PPTC7: variants seen among roughly 807,000 people sequenced by gnomAD.
PPTC7 encodes protein phosphatase PTC7 homolog.
A neutral mutation model predicts 30.8 loss-of-function variants in PPTC7; 6 were observed. The ratio of observed to expected loss-of-function variants is 0.19; its 90% CI spans 0.11 to 0.38. PPTC7 has a LOEUF of 0.38. Ranked by LOEUF, PPTC7 falls within the 10% of genes least tolerant of loss-of-function variation. The probability of loss-of-function intolerance (pLI) is 1.00; values close to 1 mark genes in which losing one functional copy is unlikely to be tolerated. For missense variants in PPTC7, 218 were observed against 404.8 expected (o/e 0.54, Z 3.96); for synonymous variants, 163 against 168.1 (o/e 0.97, Z 0.23).
chr12:110,536,791 A>G lies in PPTC7; in HGVS notation c.*246T>C, dbSNP rs2135756704. 6.4e-6 allele frequency: 3 copies of G among 470,854 alleles called. No homozygotes were observed. In the South Asian group the frequency reaches 1.3e-4, roughly 20 times the overall value. 29.2% of individuals were successfully genotyped at this position (470,854 alleles called of 1,614,324 possible). On this transcript the variant is annotated 3_prime_UTR_variant, in exon 6 of 6. Coordinates refer to ENST00000354300, the MANE Select transcript of PPTC7 (RefSeq NM_139283.2). ...CCTCCATCCCCATCATGGAAAGAAC[A>G]TCGAGAAATGAAGGCCAATCTTCAA...
rs745770983 is a variant in PPTC7, at chr12:110,546,086, CA to C, written c.404-9del. 3.0e-5 allele frequency: 49 copies of C among 1,611,280 alleles called. No individual in the cohort carries two copies. The highest frequency in any genetic ancestry group is 3.9e-5 in the Non-Finnish European group (46 of 1,178,316). On this transcript the variant is annotated splice_polypyrimidine_tract_variant and intron_variant, in intron 2 of 5. Transcript: ENST00000354300. ...TGCAGGCGGTGCTGCTACCTAGAAA[CA>C]AAAATCATCTCCATTTATTTTTTCT...
At chr12:110,540,207 GAGA>G (rs1210929671) in intron 3 of PPTC7, among the ~76,000 whole-genome samples, 3 of 152,010 alleles carry the variant, frequency 2.0e-5, no homozygotes, top group Non-Finnish European at 4.4e-5. Context: ...ACAAGTGGCT[GAGA>G]AGGAGGGAGG....
At chr12:110,546,126 T>A (rs2064304065) in intron 2 of PPTC7, 48 bp from the exon 3 acceptor site, 3 of 1,510,326 alleles carry the variant, frequency 2.0e-6, no homozygotes, top group African/African-American at 2.7e-5. Context: ...TAGGCTGCCT[T>A]TGCACACACA....
At chr12:110,558,988 C>T (rs968223305) in intron 1 of PPTC7, among the ~76,000 whole-genome samples, 3 of 152,020 alleles carry the variant, frequency 2.0e-5, no homozygotes, top group Non-Finnish European at 4.4e-5. Context: ...TATGTTTTTA[C>T]AAAGTATTTT....
chr12:110,555,422 C>T (rs911640863), intron 1 of PPTC7, among the ~76,000 whole-genome samples: 1 of 152,154 alleles, frequency 6.6e-6, no homozygotes, highest in Non-Finnish European at 1.5e-5. Flanking sequence ...ATGAATGGAT[C>T]GTTGTTGAAG....
intron 1 of PPTC7, among the ~76,000 whole-genome samples, chr12:110,565,540 C>A (rs1362440979): frequency 2.0e-5 from 3 of 152,250 alleles, no homozygotes; most frequent in African/African-American, 7.2e-5. Flanking sequence ...CAGGCGTGAG[C>A]CACCGTGCCT....
At position 110,534,971 on chromosome 12, in the gene PPTC7, C is replaced by A. The variant is rs553321611; in HGVS notation, c.*2066G>T. 2.6e-5 allele frequency: 4 copies of A among 152,698 alleles called. No homozygotes were observed. In the South Asian group the frequency reaches 8.3e-4, roughly 32 times the overall value. The allele number at this position is 152,698 out of a possible 1,614,324, so 9.5% of individuals were successfully genotyped here. A position where few individuals can be genotyped will look rare whatever the true frequency, so the allele number is the denominator to read the frequency against. On this transcript the variant is annotated 3_prime_UTR_variant, in exon 6 of 6. Transcript: ENST00000354300. ...CAGATCATAAGGCTACATACTCTTACCAAAAATAATTGAAAACCTAAACAA... is the reference window on the plus strand; with the variant it reads ...CAGATCATAAGGCTACATACTCTTAACAAAAATAATTGAAAACCTAAACAA...
chr12:110,554,751 A>G (rs1486263600), intron 1 of PPTC7, among the ~76,000 whole-genome samples: 1 of 152,222 alleles, frequency 6.6e-6, no homozygotes, highest in Non-Finnish European at 1.5e-5. Flanking sequence ...TCTATCTACT[A>G]AATTCAAAGA....
chr12:110,554,008 G>A (rs933296670), intron 1 of PPTC7, among the ~76,000 whole-genome samples: 7 of 151,924 alleles, frequency 4.6e-5, no homozygotes, highest in Admixed American at 1.3e-4. Flanking sequence ...ACAGGTGCTC[G>A]ACACCACACC....
chr12:110,569,023 C>A (rs1047531671), intron 1 of PPTC7, among the ~76,000 whole-genome samples: 1 of 127,558 alleles, frequency 7.8e-6, no homozygotes, highest in Non-Finnish European at 1.7e-5. Flanking sequence ...ACAGCAAGAC[C>A]CTGTCCCCGC....
intron 1 of PPTC7, among the ~76,000 whole-genome samples, chr12:110,559,414 T>TAAA (rs1565922542): frequency 1.3e-4 from 19 of 148,684 alleles, no homozygotes; most frequent in African/African-American, 4.7e-4. Flanking sequence ...AGAAAAAAAT[T>TAAA]TTTTTTTTTT....
At chr12:110,558,958 T>C (rs2064413129) in intron 1 of PPTC7, among the ~76,000 whole-genome samples, 1 of 152,176 alleles carries the variant, frequency 6.6e-6, no homozygotes, top group African/African-American at 2.4e-5. Flanking sequence ...AACGAGCAAT[T>C]AGAAAATAGT....
chr12:110,563,189 C>T (rs1273320392), intron 1 of PPTC7, among the ~76,000 whole-genome samples: 1 of 139,648 alleles, frequency 7.2e-6, no homozygotes, highest in African/African-American at 2.7e-5. Flanking sequence ...ACATTAATCA[C>T]AATGAAATCT....
chr12:110,540,557 G>A (rs1195483091), intron 3 of PPTC7, among the ~76,000 whole-genome samples: 2 of 151,870 alleles, frequency 1.3e-5, no homozygotes, highest in African/African-American at 4.8e-5. Flanking sequence ...TTGCCACGTT[G>A]GCCAGGCTGG....
At chr12:110,552,655 G>A (rs1211657544) in intron 1 of PPTC7, among the ~76,000 whole-genome samples, 1 of 152,194 alleles carries the variant, frequency 6.6e-6, no homozygotes, top group Admixed American at 6.5e-5. Flanking sequence ...ACGAGGTCAG[G>A]AGATCGAGAC....
chr12:110,552,399 CT>C (rs1455343918), intron 1 of PPTC7, among the ~76,000 whole-genome samples: 1 of 152,256 alleles, frequency 6.6e-6, no homozygotes, highest in Non-Finnish European at 1.5e-5. Flanking sequence ...AACCTTTTAA[CT>C]CCAAACATTG....
At chr12:110,566,125 C>T (rs1488787366) in intron 1 of PPTC7, among the ~76,000 whole-genome samples, 2 of 150,736 alleles carry the variant, frequency 1.3e-5, no homozygotes, top group Non-Finnish European at 2.9e-5. Flanking sequence ...CACCATTAAT[C>T]AGCGCAAACA....
intron 1 of PPTC7, among the ~76,000 whole-genome samples, chr12:110,558,489 A>G (rs910907501): frequency 6.6e-6 from 1 of 152,264 alleles, no homozygotes; most frequent in Non-Finnish European, 1.5e-5. Context: ...GTGAGCACAC[A>G]TCTAGCTTAA....
chr12:110,553,454 C>G (rs1430639484), intron 1 of PPTC7, among the ~76,000 whole-genome samples: 1 of 151,902 alleles, frequency 6.6e-6, no homozygotes, highest in Non-Finnish European at 1.5e-5. Context: ...CCCAAAATCT[C>G]TAATTTTTAT....
Sources: gnomAD v4.1 joint callset for allele counts (sites outside exome capture counted in the v4.1 genomes callset) on GRCh38, gnomAD v4.1.1 for gene constraint, MANE v1.5 for transcripts, NCBI Gene and HGNC (gene_info 2026-07-23, HGNC 2026-07-21) for gene names.